IGHMBP2: variants seen among roughly 807,000 people sequenced by gnomAD.
IGHMBP2 encodes the protein DNA-binding protein SMUBP-2.
In IGHMBP2, 81 loss-of-function variants were observed where a neutral mutation model predicts 96.0. That is an observed-to-expected ratio of 0.84 (90% CI 0.71 to 1.01). The LOEUF is 1.01. Ranked by LOEUF, IGHMBP2 falls within the 50% of genes least tolerant of loss-of-function variation. The probability of loss-of-function intolerance (pLI) is 0.00; values close to 1 mark genes in which losing one functional copy is unlikely to be tolerated. For synonymous variants in IGHMBP2, 557 were observed against 548.9 expected, an observed-to-expected ratio of 1.01 and a Z score of -0.21; for missense variants, 1,227 against 1,306.3, an observed-to-expected ratio of 0.94 and a Z score of 0.94.
chr11:68,913,405 C>T (rs1393514589), intron 5 of IGHMBP2, among the ~76,000 whole-genome samples: 1 of 152,078 alleles, frequency 6.6e-6, no homozygotes, highest in Non-Finnish European at 1.5e-5. Flanking sequence ...GAGTGGGTGG[C>T]TGAGCCTCCT....
chr11:68,910,101 A>G (rs1858373806), intron 4 of IGHMBP2, among the ~76,000 whole-genome samples: 1 of 152,124 alleles, frequency 6.6e-6, no homozygotes, highest in African/African-American at 2.4e-5. Flanking sequence ...CCCCACAGCT[A>G]TTTTCTATCA....
intron 6 of IGHMBP2, among the ~76,000 whole-genome samples, chr11:68,917,097 C>T (rs561640711): frequency 3.0e-4 from 45 of 150,440 alleles, no homozygotes; most frequent in Admixed American, 1.3e-3. Context: ...TCTCCTGCCT[C>T]AGCCTCCCGA....
Position 68,929,073 on chromosome 11 carries a change from G to T in IGHMBP2, c.1061-110G>T, listed in dbSNP as rs369722924. 2,559 of 984,704 alleles carry T rather than the reference G, an allele frequency of 2.6e-3. 64 individuals carry two copies. In the South Asian group the frequency reaches 0.031, roughly 12 times the overall value. 61.0% of individuals were successfully genotyped at this position (984,704 alleles called of 1,614,324 possible). A position where few individuals can be genotyped will look rare whatever the true frequency, so the allele number is the denominator to read the frequency against. On this transcript the variant is annotated intron_variant, in intron 7 of 14. Coordinates refer to ENST00000255078, the MANE Select transcript of IGHMBP2 (RefSeq NM_002180.3). ...AGATACAAATTTATCCCACACAGTTGCAATGCAAGCCTTGATGAAACCCCA... is the reference window on the plus strand; with the variant it reads ...AGATACAAATTTATCCCACACAGTTTCAATGCAAGCCTTGATGAAACCCCA...
intron 1 of IGHMBP2, 111 bp downstream of exon 1, chr11:68,904,149 C>T (rs1566421489): frequency 3.3e-6 from 3 of 915,944 alleles, no homozygotes; most frequent in Non-Finnish European, 3.5e-6. Flanking sequence ...GTCTCCGACC[C>T]TTCGAGTCAG....
chr11:68,936,544 A>G lies in IGHMBP2; in HGVS notation c.2064A>G (p.Ala688=). ...AGGAGGGAGGCCAGGAGGCTGCAGCACCTGCCAGACAGGGCCGGAAGAAGC... is the reference window on the plus strand; with the variant it reads ...AGGAGGGAGGCCAGGAGGCTGCAGCGCCTGCCAGACAGGGCCGGAAGAAGC... ...QRQEGGQEAA[A]PARQGRKKPA... The change falls in exon 13 of 15, where the codon GCA becomes GCG. Residue 688 remains alanine, a synonymous_variant. Coordinates refer to ENST00000255078, the MANE Select transcript of IGHMBP2 (RefSeq NM_002180.3). 1.9e-6 allele frequency: 3 copies of G among 1,612,668 alleles called. No homozygotes were observed. Among genetic ancestry groups the G allele is most frequent in the Non-Finnish European group, 2.5e-6 (3 of 1,179,502 alleles).
chr11:68,919,839 T>G (rs1858813244), intron 7 of IGHMBP2, among the ~76,000 whole-genome samples: 1 of 152,242 alleles, frequency 6.6e-6, no homozygotes, highest in African/African-American at 2.4e-5. Context: ...GATAATATTC[T>G]TTTTTTGAAA....
intron 11 of IGHMBP2, 57 bp from the exon 12 acceptor site, chr11:68,935,242 G>T: frequency 6.2e-7 from 1 of 1,608,366 alleles, no homozygotes; most frequent in Non-Finnish European, 8.5e-7. Context: ...TGAAGGGCAG[G>T]GTCTTGCTGC....
chr11:68,904,659 T>C (rs1161433347), intron 1 of IGHMBP2, among the ~76,000 whole-genome samples: 1 of 152,100 alleles, frequency 6.6e-6, no homozygotes. Context: ...TGGGGAGCCA[T>C]GTGAGAGCCG....
intron 10 of IGHMBP2, chr11:68,934,240 C>T (rs1011536402): frequency 1.7e-4 from 110 of 637,916 alleles, no homozygotes; most frequent in Non-Finnish European, 2.4e-4. Context: ...ACAGGATGCA[C>T]GGCCATAGGA....
intron 7 of IGHMBP2, among the ~76,000 whole-genome samples, chr11:68,920,393 C>G (rs1399373067): frequency 6.6e-6 from 1 of 152,228 alleles, no homozygotes; most frequent in Non-Finnish European, 1.5e-5. Flanking sequence ...CCATTGCACC[C>G]AGCCCCCACC....
intron 8 of IGHMBP2, among the ~76,000 whole-genome samples, chr11:68,930,963 A>G (rs1859274028): frequency 6.6e-6 from 1 of 152,114 alleles, no homozygotes; most frequent in Non-Finnish European, 1.5e-5. Context: ...ATGGACCTCA[A>G]GAGGGAAGGA....
chr11:68,931,616 C>T (rs1391512342), intron 8 of IGHMBP2, among the ~76,000 whole-genome samples: 1 of 152,140 alleles, frequency 6.6e-6, no homozygotes, highest in Non-Finnish European at 1.5e-5. Flanking sequence ...GGGCGGGGCT[C>T]CCACTGGCTT....
At position 68,929,181 on chromosome 11, in the gene IGHMBP2, A is replaced by G. The variant is rs1424522130; in HGVS notation, c.1061-2A>G. On this transcript the variant is annotated splice_acceptor_variant, in intron 7 of 14. Transcript: ENST00000255078. LOFTEE classifies it high-confidence loss of function. Reference sequence around the variant, plus strand: ...AGACTCCCGGCTCCCTGTTTCCACCAGGTGCGTCTGCCGATGGCCCCCTGA... The same window carrying G: ...AGACTCCCGGCTCCCTGTTTCCACCGGGTGCGTCTGCCGATGGCCCCCTGA... 1 of 1,612,044 alleles carries G rather than the reference A, an allele frequency of 6.2e-7. No homozygotes were observed. Among genetic ancestry groups the G allele is most frequent in the East Asian group, 2.2e-5 (1 of 44,888 alleles).
At chr11:68,935,483 GGCATATTGGGTGTCT>G in intron 12 of IGHMBP2, 61 bp downstream of exon 12, 1 of 1,598,930 alleles carries the variant, frequency 6.3e-7, no homozygotes, top group Non-Finnish European at 8.6e-7. Context: ...TTGATTGAGG[GGCATATTGGGTGTCT>G]GCTGGGTGCC....
Position 68,939,721 on chromosome 11 carries a change from G to T in IGHMBP2, c.2972G>T (p.Arg991Met). The T allele has an allele frequency of 6.2e-7, 1 of 1,609,800 alleles. No homozygotes were observed. Among genetic ancestry groups the T allele is most frequent in the Non-Finnish European group, 8.5e-7 (1 of 1,178,700 alleles). The change falls in exon 15 of 15, where the codon AGG becomes ATG. Residue 991 changes from arginine (R) to methionine (M), a missense_variant. Arg to Met is a moderately conservative substitution (Grantham distance 91). Coordinates refer to ENST00000255078, the MANE Select transcript of IGHMBP2 (RefSeq NM_002180.3). ...CAGAGGACCAGCCGGAGGAAGGAGAGGGGGACGTGACCGGCCGCATCCTTG... is the reference window on the plus strand; with the variant it reads ...CAGAGGACCAGCCGGAGGAAGGAGATGGGGACGTGACCGGCCGCATCCTTG... ...SNQRTSRRKE[R>M]GT
intron 12 of IGHMBP2, 111 bp downstream of exon 12, chr11:68,935,533 A>T: frequency 7.6e-7 from 1 of 1,315,674 alleles, no homozygotes; most frequent in South Asian, 1.2e-5. Context: ...CAGTGTGCTC[A>T]TGGTGCACCT....
chr11:68,936,079 G>A (rs1478060989), intron 12 of IGHMBP2, among the ~76,000 whole-genome samples, 158 bp from the exon 13 acceptor site: 1 of 152,242 alleles, frequency 6.6e-6, no homozygotes, highest in Non-Finnish European at 1.5e-5. Context: ...CAGGGCAGGT[G>A]TGGCATCACG....
intron 14 of IGHMBP2, 65 bp downstream of exon 14, chr11:68,938,419 G>A (rs1594458711): frequency 7.0e-7 from 1 of 1,437,970 alleles, no homozygotes; most frequent in South Asian, 1.2e-5. Flanking sequence ...TCTCCAGGAA[G>A]CAGACCCTGG....
In IGHMBP2 at chr11:68,937,024, C is replaced by T. The variant is rs746248057; in HGVS notation, c.2544C>T (p.Pro848=). 8.1e-6 allele frequency: 13 copies of T among 1,608,068 alleles called. No homozygotes were observed. Among genetic ancestry groups the T allele is most frequent in the Middle Eastern group, 1.9e-4 (1 of 5,230 alleles). The part of the protein sequence containing the change: ...LQRVRSAQGQ[P]ASKEQQASGQ... The stretch of plus-strand genomic sequence containing the variant: ...GGGTCAGGAGCGCGCAGGGGCAGCC[C>T]GCCAGCAAGGAGCAGCAGGCCTCAG... Residue 848 remains proline (P), a synonymous_variant, in exon 13 of 15, where the codon CCC becomes CCT. Coordinates refer to ENST00000255078, the MANE Select transcript of IGHMBP2 (RefSeq NM_002180.3).
Sources: gnomAD v4.1 joint callset for allele counts (sites outside exome capture counted in the v4.1 genomes callset) on GRCh38, gnomAD v4.1.1 for gene constraint, MANE v1.5 for transcripts, NCBI Gene and HGNC (gene_info 2026-07-23, HGNC 2026-07-21) for gene names.